The following SMIM10L3 variants were observed in gnomAD, a reference collection of about 807,000 sequenced individuals.
SMIM10L3 encodes small integral membrane protein 10 like 3.
chr7:6,333,910 C>A, the SMIM10L3 span, among the ~76,000 whole-genome samples: 4 of 144,512 alleles, frequency 2.8e-5, no homozygotes, highest in Non-Finnish European at 6.0e-5. Flanking sequence ...GCAGTGGCGC[C>A]ATCTCAGCTC....
the SMIM10L3 span, among the ~76,000 whole-genome samples, chr7:6,336,409 G>A: frequency 1.3e-5 from 2 of 151,004 alleles, no homozygotes; most frequent in Non-Finnish European, 3.0e-5. Flanking sequence ...GGCCAGGCAC[G>A]GTGGCTCATG....
At chr7:6,342,533 T>C in the SMIM10L3 span, among the ~76,000 whole-genome samples, 4 of 151,170 alleles carry the variant, frequency 2.6e-5, no homozygotes, top group Non-Finnish European at 5.9e-5. Flanking sequence ...AGCGAGACTC[T>C]GTCTCAAAAA....
the SMIM10L3 span, among the ~76,000 whole-genome samples, chr7:6,334,676 G>T: frequency 6.6e-6 from 1 of 152,040 alleles, no homozygotes; most frequent in Non-Finnish European, 1.5e-5. Flanking sequence ...GAGTTGCCCA[G>T]GCTGGTCTCA....
chr7:6,345,130 A>G, the SMIM10L3 span, among the ~76,000 whole-genome samples: 1 of 143,254 alleles, frequency 7.0e-6, no homozygotes, highest in Non-Finnish European at 1.5e-5. Flanking sequence ...TTGTTGTTTA[A>G]TTTTAGAGAC....
At chr7:6,340,940 T>A in the SMIM10L3 span, among the ~76,000 whole-genome samples, 2 of 103,798 alleles carry the variant, frequency 1.9e-5, no homozygotes, top group African/African-American at 4.0e-5. Context: ...TCATCCTGCC[T>A]AACATGGTGA....
the SMIM10L3 span, among the ~76,000 whole-genome samples, chr7:6,338,159 C>T: frequency 6.6e-6 from 1 of 152,192 alleles, no homozygotes; most frequent in Non-Finnish European, 1.5e-5. Flanking sequence ...CCTCAACTAA[C>T]CTCTTCTGGT....
chr7:6,334,443 G>A, the SMIM10L3 span, among the ~76,000 whole-genome samples: 2 of 151,848 alleles, frequency 1.3e-5, no homozygotes, highest in Non-Finnish European at 2.9e-5. Flanking sequence ...GGGTGAGGCA[G>A]GAGAACAGCT....
chr7:6,333,520 A>G, the SMIM10L3 span, among the ~76,000 whole-genome samples: 2 of 152,146 alleles, frequency 1.3e-5, no homozygotes, highest in African/African-American at 2.4e-5. Flanking sequence ...TGTTTTTGAG[A>G]CGAGGTCTCA....
At chr7:6,348,770 C>T in the SMIM10L3 span, 3 of 398,490 alleles carry the variant, frequency 7.5e-6, no homozygotes, top group Non-Finnish European at 8.9e-6. Context: ...TAGAGACCGG[C>T]GCTCCCACAG....
the SMIM10L3 span, chr7:6,331,181 C>G: frequency 6.3e-7 from 1 of 1,593,374 alleles, no homozygotes; most frequent in East Asian, 2.2e-5. Context: ...TGCGGTGGGC[C>G]TGAGGTCACG....
chr7:6,334,776 G>C, the SMIM10L3 span, among the ~76,000 whole-genome samples: 1 of 144,432 alleles, frequency 6.9e-6, no homozygotes, highest in Non-Finnish European at 1.5e-5. Context: ...TGGATAGTTA[G>C]TTAGTTATTT....
the SMIM10L3 span, among the ~76,000 whole-genome samples, chr7:6,347,883 T>TTTTATTATTAA: frequency 7.6e-6 from 1 of 131,538 alleles, no homozygotes; most frequent in African/African-American, 2.8e-5. Context: ...ACGAGACCCC[T>TTTTATTATTAA]TTATTATTAT....
the SMIM10L3 span, among the ~76,000 whole-genome samples, chr7:6,336,172 C>A: frequency 4.2e-4 from 55 of 131,794 alleles, no homozygotes; most frequent in Admixed American, 7.1e-4. Context: ...GATTTTGCCT[C>A]AAAAAAAAAA....
At chr7:6,337,433 T>C in the SMIM10L3 span, among the ~76,000 whole-genome samples, 1 of 151,436 alleles carries the variant, frequency 6.6e-6, no homozygotes, top group Non-Finnish European at 1.5e-5. Context: ...GTATTTTAAT[T>C]CTCAAGAAAA....
At chr7:6,336,087 C>G in the SMIM10L3 span, among the ~76,000 whole-genome samples, 2 of 150,774 alleles carry the variant, frequency 1.3e-5, no homozygotes, top group African/African-American at 2.4e-5. Flanking sequence ...GCAGGACAAT[C>G]GTTTGAACCT....
chr7:6,345,352 T>C, the SMIM10L3 span, among the ~76,000 whole-genome samples: 1 of 151,726 alleles, frequency 6.6e-6, no homozygotes, highest in Non-Finnish European at 1.5e-5. Context: ...TGGGCTCAAG[T>C]GATCCTCCCA....
chr7:6,345,418 G>A, the SMIM10L3 span, among the ~76,000 whole-genome samples: 1 of 152,008 alleles, frequency 6.6e-6, no homozygotes, highest in Non-Finnish European at 1.5e-5. Flanking sequence ...CCCAGCCCTC[G>A]ATCTGATTTG....
At chr7:6,347,095 G>A in the SMIM10L3 span, among the ~76,000 whole-genome samples, 12 of 152,196 alleles carry the variant, frequency 7.9e-5, no homozygotes, top group East Asian at 2.3e-3. Context: ...GGGAGGGCAA[G>A]GCAGGAGGAT....
chr7:6,337,329 C>T, the SMIM10L3 span, among the ~76,000 whole-genome samples: 2 of 152,080 alleles, frequency 1.3e-5, no homozygotes, highest in Non-Finnish European at 2.9e-5. Flanking sequence ...ACCATGATGG[C>T]CAGGCTGGTC....
Sources: allele counts gnomAD v4.1 joint callset (sites outside exome capture counted in the v4.1 genomes callset), GRCh38; gene constraint gnomAD v4.1.1; transcripts MANE v1.5; gene names NCBI Gene and HGNC (gene_info 2026-07-23, HGNC 2026-07-21).